The following DAB1 variants were observed in gnomAD, a reference collection of about 807,000 sequenced individuals.
DAB1 encodes DAB adaptor protein 1, also known as disabled homolog 1.
In DAB1, 15 loss-of-function variants were observed where a neutral mutation model predicts 64.6. The observed-to-expected ratio is 0.23, with a 90% CI of 0.16 to 0.36. The LOEUF is 0.36. Ranked by LOEUF, DAB1 falls within the 10% of genes least tolerant of loss-of-function variation. The pLI is 1.00. For synonymous variants in DAB1, 235 were observed against 251.9 expected, an observed-to-expected ratio of 0.93 and a Z score of 0.64; for missense variants, 596 against 706.7, an observed-to-expected ratio of 0.84 and a Z score of 1.78.
intron 1 of DAB1, among the ~76,000 whole-genome samples, chr1:57,329,127 T>C (rs767701297): frequency 4.6e-4 from 70 of 152,296 alleles, no homozygotes; most frequent in Admixed American, 1.8e-3. Context: ...CCTACAACAA[T>C]GGCCCCCAAA....
chr1:57,500,648 T>C (rs1644279733), intron 7 of DAB1, among the ~76,000 whole-genome samples: 1 of 152,210 alleles, frequency 6.6e-6, no homozygotes, highest in African/African-American at 2.4e-5. Context: ...CTCCAGCTCC[T>C]CACTCAAGAT....
chr1:57,015,301 G>C lies in DAB1; in HGVS notation c.1026C>G (p.Gly342=), dbSNP rs1443224982. The stretch of plus-strand genomic sequence containing the variant: ...GAGTGGCAGGAAAGAGACCCGGCTG[G>C]CCCCATGCGATGGGCTGAGCCCCCG... ...VMPGAQPIAW[G]QPGLFPATQQ... is the part of the protein sequence containing the mutation. Residue 342 remains glycine (G), a synonymous_variant, in exon 12 of 15, where the codon GGC becomes GGG. Coordinates refer to ENST00000371236, the MANE Select transcript of DAB1 (RefSeq NM_001365792.1). 6.2e-7 allele frequency: 1 copy of C among 1,613,968 alleles called. No homozygotes were observed. Among genetic ancestry groups the C allele is most frequent in the Non-Finnish European group, 8.5e-7 (1 of 1,180,036 alleles).
At chr1:57,270,315 T>C (rs1218705266) in intron 2 of DAB1, among the ~76,000 whole-genome samples, 2 of 152,256 alleles carry the variant, frequency 1.3e-5, no homozygotes, top group African/African-American at 4.8e-5. Flanking sequence ...CAGACAGTAG[T>C]ATTTTTACTT....
At chr1:57,834,544 A>G (rs1381233629) in intron 1 of DAB1, among the ~76,000 whole-genome samples, 1 of 152,098 alleles carries the variant, frequency 6.6e-6, no homozygotes, top group Non-Finnish European at 1.5e-5. Context: ...TAAATGTTTC[A>G]GTCTGTGAAG....
intron 5 of DAB1, among the ~76,000 whole-genome samples, chr1:58,132,476 C>T (rs1457334522): frequency 2.0e-5 from 3 of 152,290 alleles, no homozygotes; most frequent in African/African-American, 7.2e-5. Flanking sequence ...GCCATCTTGG[C>T]TCCTCCCCCC....
intron 2 of DAB1, among the ~76,000 whole-genome samples, chr1:57,210,326 G>A (rs1233209355): frequency 6.6e-6 from 1 of 152,080 alleles, no homozygotes; most frequent in Non-Finnish European, 1.5e-5. Flanking sequence ...AGATAGAACA[G>A]TCATTTAAAA....
At chr1:58,309,446 G>T (rs1487348538) in intron 4 of DAB1, among the ~76,000 whole-genome samples, 1 of 152,118 alleles carries the variant, frequency 6.6e-6, no homozygotes, top group African/African-American at 2.4e-5. Context: ...CACTGGAAAG[G>T]ATGAGGGTTC....
chr1:57,734,028 G>A (rs995019547), intron 6 of DAB1, among the ~76,000 whole-genome samples: 3 of 152,110 alleles, frequency 2.0e-5, no homozygotes, highest in Non-Finnish European at 4.4e-5. Flanking sequence ...CCAGCCCCCA[G>A]GGTTGCACCT....
chr1:57,553,065 G>T (rs530918777), intron 7 of DAB1, among the ~76,000 whole-genome samples: 1 of 152,108 alleles, frequency 6.6e-6, no homozygotes, highest in East Asian at 1.9e-4. Flanking sequence ...AGAGATGACA[G>T]AAGTAGGGCT....
At chr1:57,671,480 T>A (rs1646509644) in intron 6 of DAB1, among the ~76,000 whole-genome samples, 1 of 152,092 alleles carries the variant, frequency 6.6e-6, no homozygotes, top group Non-Finnish European at 1.5e-5. Flanking sequence ...TCTAAGATTT[T>A]AAAAATGGAT....
At chr1:57,872,581 C>A (rs1377904777) in intron 1 of DAB1, among the ~76,000 whole-genome samples, 2 of 152,162 alleles carry the variant, frequency 1.3e-5, no homozygotes, top group African/African-American at 2.4e-5. Flanking sequence ...TCTTTGAATG[C>A]AGCAAGAAAT....
intron 5 of DAB1, among the ~76,000 whole-genome samples, chr1:58,115,309 A>G (rs1266568281): frequency 2.4e-5 from 1 of 41,370 alleles, no homozygotes; most frequent in Non-Finnish European, 4.1e-5. Context: ...CACCAGTTAG[A>G]ATGGCAATCA....
At chr1:57,793,591 A>G (rs115449592) in intron 6 of DAB1, among the ~76,000 whole-genome samples, 3,203 of 152,164 alleles carry the variant, frequency 0.021, 108 homozygotes, top group African/African-American at 0.075. Context: ...TCAGTGTTGC[A>G]TGGCAAGTGT....
chr1:58,163,455 T>A (rs1194546831), intron 4 of DAB1, among the ~76,000 whole-genome samples: 1 of 152,144 alleles, frequency 6.6e-6, no homozygotes, highest in Non-Finnish European at 1.5e-5. Flanking sequence ...TCTATAAAGC[T>A]GGACAAAATT....
chr1:57,113,277 A>G (rs1469071353), intron 4 of DAB1, among the ~76,000 whole-genome samples: 2 of 152,238 alleles, frequency 1.3e-5, no homozygotes, highest in Non-Finnish European at 2.9e-5. Context: ...TAATCCTTTT[A>G]GAAATCCTAT....
chr1:58,408,115 G>A (rs114704463), intron 3 of DAB1, among the ~76,000 whole-genome samples: 1,793 of 152,284 alleles, frequency 0.012, 37 homozygotes, highest in African/African-American at 0.041. Flanking sequence ...CAGACCCACT[G>A]AATAGAAACT....
intron 5 of DAB1, among the ~76,000 whole-genome samples, chr1:58,124,900 G>T (rs538216068): frequency 1.3e-5 from 2 of 152,272 alleles, no homozygotes; most frequent in South Asian, 4.1e-4. Flanking sequence ...AAAGAGCATG[G>T]TAACTGCTAT....
intron 1 of DAB1, among the ~76,000 whole-genome samples, chr1:57,413,013 G>A (rs752011321): frequency 1.3e-5 from 2 of 152,196 alleles, no homozygotes; most frequent in African/African-American, 2.4e-5. Flanking sequence ...CGTTAGGGGT[G>A]AATGCAGCTG....
At chr1:57,809,023 C>T (rs943788405) in intron 6 of DAB1, among the ~76,000 whole-genome samples, 6 of 152,142 alleles carry the variant, frequency 3.9e-5, no homozygotes, top group African/African-American at 1.4e-4. Context: ...ACAGAAGCTC[C>T]TCGGAAAATA....
Sources: allele counts gnomAD v4.1 joint callset (sites outside exome capture counted in the v4.1 genomes callset), GRCh38; gene constraint gnomAD v4.1.1; transcripts MANE v1.5; gene names NCBI Gene and HGNC (gene_info 2026-07-23, HGNC 2026-07-21).